Variants in ENOSF1 observed in about 807,000 individuals in gnomAD.
ENOSF1 encodes the protein mitochondrial enolase superfamily member 1.
Under a neutral mutation model 68.2 loss-of-function variants are expected in ENOSF1, and 73 were observed. That is an observed-to-expected ratio of 1.07 (90% CI 0.89 to 1.30). ENOSF1 has a LOEUF of 1.30. Among genes scored for constraint, ENOSF1 ranks in the 50% most tolerant of loss-of-function variants. ENOSF1 has a pLI of 0.00. For synonymous variants in ENOSF1, 223 were observed against 210.4 expected, an observed-to-expected ratio of 1.06 and a Z score of -0.52; for missense variants, 589 against 554.5, an observed-to-expected ratio of 1.06 and a Z score of -0.62.
At chr18:696,204 C>CTTTTTTTTTTTTTTTT (rs368856668) in intron 3 of ENOSF1, among the ~76,000 whole-genome samples, 3 of 118,686 alleles carry the variant, frequency 2.5e-5, no homozygotes, top group African/African-American at 3.3e-5. Context: ...ACATCTCTCT[C>CTTTTTTTTTTTTTTTT]TTTTTTTTTT....
At chr18:694,138 T>C (rs1354645607) in intron 4 of ENOSF1, 110 bp downstream of exon 4, 1 of 1,198,478 alleles carries the variant, frequency 8.3e-7, no homozygotes, top group Non-Finnish European at 1.2e-6. Flanking sequence ...AAAGCAATTA[T>C]CTGTATTTCC....
At chr18:706,047 G>T (rs2847327) in intron 2 of ENOSF1, among the ~76,000 whole-genome samples, 94,445 of 151,752 alleles carry the variant, frequency 0.62, 30,048 homozygotes, top group African/African-American at 0.78. Context: ...GCGAGTAGAC[G>T]TGCTGTGCAC....
At chr18:708,154 C>A (rs527885624) in intron 1 of ENOSF1, among the ~76,000 whole-genome samples, 37 of 152,184 alleles carry the variant, frequency 2.4e-4, no homozygotes, top group African/African-American at 8.4e-4. Flanking sequence ...AGCCACCACG[C>A]CCGGCCACAA....
chr18:669,184 C>G, downstream of ENOSF1: 1 of 1,610,980 alleles, frequency 6.2e-7, no homozygotes, highest in Non-Finnish European at 8.5e-7. Flanking sequence ...GTTGAAAGAA[C>G]CCCGTCGTCT....
intron 1 of ENOSF1, among the ~76,000 whole-genome samples, chr18:710,212 G>C (rs1598841946): frequency 6.6e-6 from 1 of 151,982 alleles, no homozygotes; most frequent in African/African-American, 2.4e-5. Context: ...GGACTCAAGA[G>C]ATCCTCCCAC....
chr18:712,295 T>G, intron 1 of ENOSF1: 1 of 1,521,798 alleles, frequency 6.6e-7, no homozygotes, highest in Non-Finnish European at 8.8e-7. Context: ...GTCGGGAAGC[T>G]GCCCGGGGCC....
rs913081003 is a variant in ENOSF1 at position 673,111 on chromosome 18, C to T, written c.*1194G>A. 7.0e-6 allele frequency: 8 copies of T among 1,146,950 alleles called. No individual in the cohort carries two copies. The highest frequency in any genetic ancestry group is 4.8e-5 in the East Asian group (2 of 41,688). 71.0% of individuals were successfully genotyped at this position (1,146,950 alleles called of 1,614,324 possible). A position where few individuals can be genotyped will look rare whatever the true frequency, so the allele number is the denominator to read the frequency against. On this transcript the variant is annotated 3_prime_UTR_variant, in exon 16 of 16. Coordinates refer to ENST00000647584, the MANE Select transcript of ENOSF1 (RefSeq NM_017512.7). ...AAAGGAACTAGGTCAAAAATCTGTC[C>T]GTGACCTATCAGTTATTAATTTTTA... is the stretch of plus-strand genomic sequence containing the variant.
intron 5 of ENOSF1, chr18:693,259 T>C: frequency 7.8e-7 from 1 of 1,288,224 alleles, no homozygotes; most frequent in Non-Finnish European, 1.0e-6. Context: ...CTGCTGGAAT[T>C]GTACAGTAGA....
rs996264689 is a variant in ENOSF1 at position 712,303 on chromosome 18, G to A, written c.84+201C>T. ...GTTCGAAGTCGGGAAGCTGCCCGGG[G>A]CCCGCAGAGCTGCAGTCGGCGGGGC... On this transcript the variant is annotated intron_variant, in intron 1 of 15. Coordinates refer to ENST00000647584, the MANE Select transcript of ENOSF1 (RefSeq NM_017512.7). The A allele has an allele frequency of 1.9e-5, 29 of 1,498,440 alleles. 2 individuals carry two copies. The highest frequency in any genetic ancestry group is 4.3e-5 in the Admixed American group (2 of 46,878). The allele number at this position is 1,498,440 out of a possible 1,614,324, so 92.8% of individuals were successfully genotyped here. A position where few individuals can be genotyped will look rare whatever the true frequency, so the allele number is the denominator to read the frequency against.
chr18:669,162 G>A, downstream of ENOSF1: 2 of 1,614,062 alleles, frequency 1.2e-6, no homozygotes, highest in African/African-American at 1.3e-5. Flanking sequence ...ATGTGCGCTT[G>A]GAATCCAAGA....
rs573894693 is a variant in ENOSF1, at chr18:670,945, G to A, written c.*3360C>T. The A allele has an allele frequency of 2.0e-6, 3 of 1,507,690 alleles. No individual in the cohort carries two copies. The highest frequency in any genetic ancestry group is 1.2e-5 in the South Asian group (1 of 80,534). The allele number at this position is 1,507,690 out of a possible 1,614,324, so 93.4% of individuals were successfully genotyped here. Reference sequence around the variant, plus strand: ...GTTCTTTAATATGGGAAAACAAATTGCAGAGTTTAGTCTCTGATTAGCTTT... The same window carrying A: ...GTTCTTTAATATGGGAAAACAAATTACAGAGTTTAGTCTCTGATTAGCTTT... On this transcript the variant is annotated 3_prime_UTR_variant, in exon 16 of 16. Transcript: ENST00000647584.
intron 9 of ENOSF1, chr18:688,348 C>T: frequency 1.9e-6 from 1 of 538,016 alleles, no homozygotes; most frequent in East Asian, 3.1e-5. Context: ...AAACAATCTC[C>T]CAAGCCTCTT....
At position 690,597 on chromosome 18, in the gene ENOSF1, G is replaced by C. The variant is rs2144997487; in HGVS notation, c.570C>G (p.Tyr190Ter). The change falls in exon 8 of 16, where the codon TAC (tyrosine) becomes TAG (stop). Residue 190 changes from tyrosine (Y) to a stop codon, truncating the protein, a stop_gained. Transcript: ENST00000647584. LOFTEE classifies it high-confidence loss of function. ...ACCCCAGCCAGGCGCACGATGTCGT[G>C]TAAGCAGGGTATCCTTGTGCCAGCA... is the stretch of plus-strand genomic sequence containing the variant. ...KQMLAQGYPA[Y>*]TTSCAWLGYS... The C allele has an allele frequency of 1.9e-6, 3 of 1,613,848 alleles. No homozygotes were observed. The East Asian group carries it at 6.7e-5, about 36-fold the overall frequency.
At chr18:668,514 G>A (rs1192554485), downstream of ENOSF1, among the ~76,000 whole-genome samples, 1 of 152,190 alleles carries the variant, frequency 6.6e-6, no homozygotes, top group Non-Finnish European at 1.5e-5. Context: ...CAAGTCAGTC[G>A]TGTGTTGAGC....
In ENOSF1 at chr18:674,429, G is replaced by A. The variant is rs558611102; in HGVS notation, c.1231-23C>T. On this transcript the variant is annotated intron_variant, in intron 15 of 15. Coordinates refer to ENST00000647584, the MANE Select transcript of ENOSF1 (RefSeq NM_017512.7). Reference sequence around the variant, plus strand: ...ATCCTATCAAAGACCAAAAAAATGAGTCCTGTTAACAACCACCTGGAACAA... The same window carrying A: ...ATCCTATCAAAGACCAAAAAAATGAATCCTGTTAACAACCACCTGGAACAA... The A allele has an allele frequency of 4.2e-5, 63 of 1,518,040 alleles. 1 individual carries two copies. The South Asian group carries it at 5.8e-4, about 14-fold the overall frequency. 94.0% of individuals were successfully genotyped at this position (1,518,040 alleles called of 1,614,324 possible).
the ENOSF1 span, among the ~76,000 whole-genome samples, chr18:665,197 C>G: frequency 6.6e-6 from 1 of 151,114 alleles, no homozygotes; most frequent in East Asian, 2.0e-4. Flanking sequence ...AATTTCAGCT[C>G]CTGTTATTGG....
rs1273178083 is a variant in ENOSF1 at position 674,217 on chromosome 18, AT to A, written c.*87del. On this transcript the variant is annotated 3_prime_UTR_variant, in exon 16 of 16. Transcript: ENST00000647584. ...AGCTGAACTCATCTTGATCGGTAGG[AT>A]TTTTTAAATCCATTTTTGTAAAACT... is the stretch of plus-strand genomic sequence containing the variant. The A allele has an allele frequency of 5.5e-6, 5 of 911,500 alleles. No individual in the cohort carries two copies. The highest frequency in any genetic ancestry group is 8.6e-6 in the Non-Finnish European group (5 of 582,746). 56.5% of individuals were successfully genotyped at this position (911,500 alleles called of 1,614,324 possible).
At chr18:676,657 C>G (rs1267309990) in intron 14 of ENOSF1, among the ~76,000 whole-genome samples, 1 of 152,168 alleles carries the variant, frequency 6.6e-6, no homozygotes, top group Non-Finnish European at 1.5e-5. Flanking sequence ...CAAGAATAGA[C>G]TAATACAGTA....
intron 2 of ENOSF1, among the ~76,000 whole-genome samples, chr18:703,124 A>C (rs2078547344): frequency 6.6e-6 from 1 of 152,204 alleles, no homozygotes; most frequent in South Asian, 2.1e-4. Context: ...GAGGAAGCCA[A>C]AACCCTTAGC....
Sources: gnomAD v4.1 joint callset for allele counts (sites outside exome capture counted in the v4.1 genomes callset) on GRCh38, gnomAD v4.1.1 for gene constraint, MANE v1.5 for transcripts, NCBI Gene and HGNC (gene_info 2026-07-23, HGNC 2026-07-21) for gene names.